The following CCDC73 variants were observed in gnomAD, a reference collection of about 807,000 sequenced individuals.
CCDC73 encodes coiled-coil domain containing 73.
Under a neutral mutation model 116.5 loss-of-function variants are expected in CCDC73, and 95 were observed. That is an observed-to-expected ratio of 0.82 (90% CI 0.69 to 0.97). CCDC73 has a LOEUF of 0.97. CCDC73 is among the 50% of genes least tolerant of loss of function. CCDC73 has a pLI of 0.00. For synonymous variants in CCDC73, 398 were observed against 401.3 expected (o/e 0.99, Z 0.10); for missense variants, 1,066 against 1,206.8 (o/e 0.88, Z 1.73).
At position 32,715,649 on chromosome 11, in the gene CCDC73, G is replaced by A. The variant is rs114420186; in HGVS notation, c.207+2427C>T. On this transcript the variant is annotated intron_variant, in intron 3 of 17. Coordinates refer to ENST00000335185, the MANE Select transcript of CCDC73 (RefSeq NM_001008391.4). ...GGTTGAAGAAGCAAAAGGGGACTGA[G>A]AACTAAAACCACCTGCATCAATATA... Among the ~76,000 whole-genome samples, 539 of 152,162 alleles carry A rather than the reference G, an allele frequency of 3.5e-3. 6 individuals are homozygous for A. Among genetic ancestry groups the A allele is most frequent in the African/African-American group, 0.013 (520 of 41,522 alleles).
At chr11:32,803,230 A>G in the CCDC73 span, among the ~76,000 whole-genome samples, 48 of 152,202 alleles carry the variant, frequency 3.2e-4, 1 homozygote, top group South Asian at 4.4e-3. Flanking sequence ...AGCTGGGATT[A>G]CAGATGTGCG....
intron 1 of CCDC73, among the ~76,000 whole-genome samples, chr11:32,775,547 T>C (rs1198091117): frequency 6.6e-6 from 1 of 152,298 alleles, no homozygotes; most frequent in Admixed American, 6.5e-5. Flanking sequence ...TCAAAATCTC[T>C]TCTACTTTGG....
chr11:32,641,656 A>G (rs1855733634), intron 13 of CCDC73, among the ~76,000 whole-genome samples: 1 of 151,676 alleles, frequency 6.6e-6, no homozygotes, highest in African/African-American at 2.4e-5. Flanking sequence ...GTTTTATGAA[A>G]AAGTAAATTA....
the CCDC73 span, among the ~76,000 whole-genome samples, chr11:32,826,497 A>C: frequency 6.6e-6 from 1 of 152,150 alleles, no homozygotes; most frequent in African/African-American, 2.4e-5. Flanking sequence ...TTGAATTCAC[A>C]CAGGTAAGTG....
At chr11:32,759,121 T>C (rs1850368369) in intron 2 of CCDC73, among the ~76,000 whole-genome samples, 1 of 152,026 alleles carries the variant, frequency 6.6e-6, no homozygotes, top group Non-Finnish European at 1.5e-5. Context: ...TTCTGTTCTA[T>C]CTTCATGGTC....
At chr11:32,730,076 T>C (rs1850062157) in intron 2 of CCDC73, among the ~76,000 whole-genome samples, 2 of 152,238 alleles carry the variant, frequency 1.3e-5, no homozygotes, top group African/African-American at 4.8e-5. Flanking sequence ...TTTCATAGTA[T>C]AAATTCCACA....
chr11:32,634,403 A>G (rs1303348629), intron 14 of CCDC73, among the ~76,000 whole-genome samples: 12 of 152,202 alleles, frequency 7.9e-5, no homozygotes, highest in African/African-American at 2.7e-4. Flanking sequence ...AAAAAACCCA[A>G]TCATCTTAAT....
Position 32,675,862 on chromosome 11 carries a change from A to G in CCDC73, c.565+24T>C, listed in dbSNP as rs1223408996. On this transcript the variant is annotated intron_variant, in intron 8 of 17. Transcript: ENST00000335185. ...TTCAAACATTCTCTACTGAATATGTATATTTAAATAAGATAGCACATACCA... is the reference window on the plus strand; with the variant it reads ...TTCAAACATTCTCTACTGAATATGTGTATTTAAATAAGATAGCACATACCA... 3 of 1,539,390 alleles carry G rather than the reference A, an allele frequency of 1.9e-6. No individual in the cohort carries two copies. In the South Asian group the frequency reaches 3.6e-5, roughly 19 times the overall value.
chr11:32,775,087 TC>T, intron 1 of CCDC73, among the ~76,000 whole-genome samples: 1 of 152,178 alleles, frequency 6.6e-6, no homozygotes, highest in African/African-American at 2.4e-5. Context: ...ATTAAATACA[TC>T]AATTTACCAA....
intron 7 of CCDC73, chr11:32,681,957 C>A (rs1253558938): frequency 1.3e-5 from 2 of 151,634 alleles, no homozygotes; most frequent in African/African-American, 4.8e-5. Flanking sequence ...ACATATAAAA[C>A]TTTTTAAATT....
chr11:32,823,907 T>C, the CCDC73 span, among the ~76,000 whole-genome samples: 1 of 152,208 alleles, frequency 6.6e-6, no homozygotes, highest in Admixed American at 6.5e-5. Flanking sequence ...TGTTTTGTTT[T>C]GTTTTGAGAC....
chr11:32,646,711 T>C (rs372900083), intron 12 of CCDC73, among the ~76,000 whole-genome samples: 375 of 152,330 alleles, frequency 2.5e-3, no homozygotes, highest in Non-Finnish European at 3.9e-3. Context: ...CAAGATAAAC[T>C]TACATCTGTC....
intron 14 of CCDC73, among the ~76,000 whole-genome samples, chr11:32,633,478 T>G (rs1181016179): frequency 6.6e-6 from 1 of 152,142 alleles, no homozygotes; most frequent in African/African-American, 2.4e-5. Context: ...TCAGATTCAT[T>G]AGGAGGACTC....
intron 6 of CCDC73, among the ~76,000 whole-genome samples, chr11:32,698,358 C>A (rs1849776498): frequency 6.6e-6 from 1 of 152,112 alleles, no homozygotes; most frequent in Non-Finnish European, 1.5e-5. Context: ...GCCTAGATGT[C>A]TTATAGAATG....
intron 2 of CCDC73, among the ~76,000 whole-genome samples, chr11:32,744,542 C>A (rs1850217575): frequency 6.6e-6 from 1 of 152,176 alleles, no homozygotes; most frequent in Non-Finnish European, 1.5e-5. Flanking sequence ...TGGTCCTGGA[C>A]TTTCTTTGGT....
rs146146527 is a variant in CCDC73 at position 32,626,685 on chromosome 11, T to C, written c.1185+9011A>G. The stretch of plus-strand genomic sequence containing the variant: ...AGAAATAATGCCACATATCTACAAC[T>C]ATCTGATCTTTGACAAACCTGACAA... On this transcript the variant is annotated intron_variant, in intron 14 of 17. Coordinates refer to ENST00000335185, the MANE Select transcript of CCDC73 (RefSeq NM_001008391.4). Among the ~76,000 whole-genome samples the C allele has an allele frequency of 7.1e-3, 1,083 of 152,258 alleles. 17 individuals are homozygous for C. Among genetic ancestry groups the C allele is most frequent in the African/African-American group, 0.025 (1,044 of 41,532 alleles).
chr11:32,628,183 C>T (rs961406983), intron 14 of CCDC73, among the ~76,000 whole-genome samples: 3 of 152,040 alleles, frequency 2.0e-5, no homozygotes, highest in East Asian at 1.9e-4. Flanking sequence ...GGGAAAATTG[C>T]GTTCTCTGAG....
chr11:32,653,087 G>C (rs773722344), intron 12 of CCDC73, 36 bp downstream of exon 12: 1 of 1,229,002 alleles, frequency 8.1e-7, no homozygotes, highest in Non-Finnish European at 1.2e-6. Flanking sequence ...CTAAAACACA[G>C]ATAGATAGAC....
chr11:32,780,609 A>T (rs2133396038), intron 1 of CCDC73, among the ~76,000 whole-genome samples: 1 of 152,340 alleles, frequency 6.6e-6, no homozygotes, highest in East Asian at 1.9e-4. Context: ...AAACAACCTA[A>T]ATGTTCAGTA....
Sources: allele counts gnomAD v4.1 joint callset (sites outside exome capture counted in the v4.1 genomes callset), GRCh38; gene constraint gnomAD v4.1.1; transcripts MANE v1.5; gene names NCBI Gene and HGNC (gene_info 2026-07-23, HGNC 2026-07-21).